Variants in QTMAN observed in about 807,000 individuals in gnomAD.
The protein encoded by QTMAN is tRNA-queuosine alpha-mannosyltransferase.
chr2:144,201,733 A>C, the QTMAN span, among the ~76,000 whole-genome samples: 2 of 152,176 alleles, frequency 1.3e-5, no homozygotes, highest in Admixed American at 6.5e-5. Flanking sequence ...TAATGAAAAC[A>C]AGCTTAGAAA....
the QTMAN span, among the ~76,000 whole-genome samples, chr2:143,980,214 G>A: frequency 6.6e-6 from 1 of 151,830 alleles, no homozygotes; most frequent in African/African-American, 2.4e-5. Context: ...AGGCCCCAGT[G>A]TGTGTTGTTT....
chr2:144,284,145 G>A, the QTMAN span, among the ~76,000 whole-genome samples: 2 of 151,214 alleles, frequency 1.3e-5, no homozygotes, highest in African/African-American at 4.8e-5. Flanking sequence ...TACTTTAGTA[G>A]AGATATAAAA....
At chr2:144,206,312 AT>A in the QTMAN span, among the ~76,000 whole-genome samples, 2 of 152,120 alleles carry the variant, frequency 1.3e-5, no homozygotes, top group Non-Finnish European at 2.9e-5. Flanking sequence ...GAAAGCAAAA[AT>A]TTTTCATATC....
the QTMAN span, among the ~76,000 whole-genome samples, chr2:144,055,567 G>A: frequency 1.3e-5 from 2 of 152,212 alleles, no homozygotes; most frequent in South Asian, 4.1e-4. Flanking sequence ...ATCGCGTGGT[G>A]CAAAGAAGGA....
the QTMAN span, among the ~76,000 whole-genome samples, chr2:143,991,674 C>G: frequency 7.7e-6 from 1 of 130,486 alleles, no homozygotes; most frequent in Non-Finnish European, 1.6e-5. Flanking sequence ...GCCGCCCCGT[C>G]TGGGAGGGAG....
the QTMAN span, among the ~76,000 whole-genome samples, chr2:144,191,456 G>T: frequency 1.3e-5 from 2 of 152,126 alleles, no homozygotes; most frequent in Non-Finnish European, 2.9e-5. Context: ...CAAAGCAATT[G>T]CTGAATAATG....
the QTMAN span, among the ~76,000 whole-genome samples, chr2:144,128,849 A>G: frequency 6.6e-6 from 1 of 152,016 alleles, no homozygotes; most frequent in Non-Finnish European, 1.5e-5. Flanking sequence ...AATGTAGTTG[A>G]CATTTTTGTC....
the QTMAN span, among the ~76,000 whole-genome samples, chr2:144,220,526 T>C: frequency 6.6e-6 from 1 of 152,210 alleles, no homozygotes; most frequent in African/African-American, 2.4e-5. Context: ...TTTTGTCTAA[T>C]GAAGCAGAGA....
chr2:144,001,025 A>C, the QTMAN span, among the ~76,000 whole-genome samples: 1 of 151,972 alleles, frequency 6.6e-6, no homozygotes, highest in Non-Finnish European at 1.5e-5. Context: ...TGAAAGATTT[A>C]AGATGGCTTA....
At chr2:144,265,880 T>C in the QTMAN span, among the ~76,000 whole-genome samples, 2 of 152,120 alleles carry the variant, frequency 1.3e-5, no homozygotes, top group African/African-American at 4.8e-5. Flanking sequence ...GCCAGCACTC[T>C]CAAATCAGAG....
At chr2:144,171,319 T>C in the QTMAN span, among the ~76,000 whole-genome samples, 2 of 152,160 alleles carry the variant, frequency 1.3e-5, no homozygotes, top group Non-Finnish European at 2.9e-5. Context: ...GAAATCCCAA[T>C]TGTACTCTGG....
the QTMAN span, among the ~76,000 whole-genome samples, chr2:144,012,965 C>T: frequency 2.0e-5 from 3 of 151,804 alleles, no homozygotes; most frequent in Admixed American, 6.6e-5. Context: ...CATTCTAGCT[C>T]GGGTTTGGGG....
At chr2:144,136,626 A>G in the QTMAN span, among the ~76,000 whole-genome samples, 1 of 152,054 alleles carries the variant, frequency 6.6e-6, no homozygotes, top group African/African-American at 2.4e-5. Context: ...TACATGACCT[A>G]AAGTATGAAA....
the QTMAN span, among the ~76,000 whole-genome samples, chr2:144,072,630 G>A: frequency 5.3e-5 from 8 of 152,232 alleles, no homozygotes; most frequent in East Asian, 1.4e-3. Flanking sequence ...ACCACTCCTT[G>A]AGAAAGGGGC....
At chr2:144,129,657 A>T in the QTMAN span, among the ~76,000 whole-genome samples, 4 of 152,046 alleles carry the variant, frequency 2.6e-5, no homozygotes, top group Admixed American at 2.6e-4. Flanking sequence ...TTAATTCTGT[A>T]CTGATCAATC....
At chr2:144,106,133 A>C in the QTMAN span, among the ~76,000 whole-genome samples, 1 of 152,362 alleles carries the variant, frequency 6.6e-6, no homozygotes, top group South Asian at 2.1e-4. Flanking sequence ...AACAACCGGT[A>C]TCAGCCACTG....
At chr2:144,035,926 C>T in the QTMAN span, among the ~76,000 whole-genome samples, 1 of 152,138 alleles carries the variant, frequency 6.6e-6, no homozygotes, top group African/African-American at 2.4e-5. Context: ...GCAAACAGGG[C>T]ACCCTAAATC....
the QTMAN span, among the ~76,000 whole-genome samples, chr2:144,276,840 C>T: frequency 6.6e-6 from 1 of 152,158 alleles, no homozygotes; most frequent in Non-Finnish European, 1.5e-5. Context: ...TCATACTTCA[C>T]ACCCCTAAAC....
the QTMAN span, among the ~76,000 whole-genome samples, chr2:144,085,618 A>G: frequency 1.3e-5 from 2 of 152,334 alleles, no homozygotes; most frequent in South Asian, 4.1e-4. Flanking sequence ...GAGAATCTAG[A>G]CAGTGAGAAC....
Sources: allele counts gnomAD v4.1 joint callset (sites outside exome capture counted in the v4.1 genomes callset), GRCh38; gene constraint gnomAD v4.1.1; transcripts MANE v1.5; gene names NCBI Gene and HGNC (gene_info 2026-07-23, HGNC 2026-07-21).